The following FUT9 variants were observed in gnomAD, a reference collection of about 807,000 sequenced individuals.
FUT9 encodes the protein 4-galactosyl-N-acetylglucosaminide 3-alpha-L-fucosyltransferase 9.
Under a neutral mutation model 29.7 loss-of-function variants are expected in FUT9, and 15 were observed. The observed-to-expected ratio is 0.51, with a 90% confidence interval of 0.34 to 0.78. The LOEUF (loss-of-function observed/expected upper bound fraction) is 0.78. Among genes scored for constraint, FUT9 ranks in the 30% least tolerant of loss-of-function variants. The pLI, the probability that FUT9 is intolerant of heterozygous loss-of-function variation, is 0.01. For missense variants in FUT9, 319 were observed against 425.4 expected, an observed-to-expected ratio of 0.75 and a Z score of 2.20; for synonymous variants, 169 against 153.7, an observed-to-expected ratio of 1.10 and a Z score of -0.74.
chr6:96,020,217 T>G (rs2127920585), intron 1 of FUT9, among the ~76,000 whole-genome samples: 1 of 152,286 alleles, frequency 6.6e-6, no homozygotes, highest in Non-Finnish European at 1.5e-5. Context: ...AATTCCTCAC[T>G]TATGCAGTGT....
intron 1 of FUT9, among the ~76,000 whole-genome samples, chr6:96,056,504 C>T (rs1243305365): frequency 2.0e-5 from 3 of 152,102 alleles, no homozygotes; most frequent in Non-Finnish European, 4.4e-5. Context: ...AGACCTTTTT[C>T]CATGACTATC....
At chr6:96,056,767 A>AC (rs565117796) in intron 1 of FUT9, among the ~76,000 whole-genome samples, 48 of 152,032 alleles carry the variant, frequency 3.2e-4, no homozygotes, top group African/African-American at 1.1e-3. Flanking sequence ...AAAAAAAAAA[A>AC]CCTAAGCTTT....
Position 96,091,221 on chromosome 6 carries a change from G to A in FUT9, c.-97-22818G>A, listed in dbSNP as rs369935108. 2.5e-3 allele frequency among the ~76,000 whole-genome samples: 376 copies of A among 152,036 alleles called. 1 individual carries two copies. The highest frequency in any genetic ancestry group is 8.8e-3 in the African/African-American group (365 of 41,502). On this transcript the variant is annotated intron_variant, in intron 1 of 2. Transcript: ENST00000302103. ...AATAAAAAACCAAATAGTTCAAAGC[G>A]TTATTTACGTATTCTTCCCATAAAT... is the stretch of plus-strand genomic sequence containing the variant.
intron 1 of FUT9, among the ~76,000 whole-genome samples, chr6:96,112,858 T>C (rs1035426617): frequency 6.6e-6 from 1 of 152,204 alleles, no homozygotes; most frequent in Non-Finnish European, 1.5e-5. Flanking sequence ...TATAATACTT[T>C]AAGTTATTCC....
intron 1 of FUT9, among the ~76,000 whole-genome samples, chr6:96,058,567 A>G (rs1171639208): frequency 6.6e-6 from 1 of 151,540 alleles, no homozygotes; most frequent in African/African-American, 2.4e-5. Context: ...ATTTTTTGAA[A>G]TGAATAAAAG....
At chr6:96,026,113 AC>A in intron 1 of FUT9, among the ~76,000 whole-genome samples, 1 of 144,772 alleles carries the variant, frequency 6.9e-6, no homozygotes, top group East Asian at 2.2e-4. Flanking sequence ...TGTTCTTAAA[AC>A]AGTTCAAAAC....
At chr6:96,200,383 C>T (rs896787559) in intron 2 of FUT9, among the ~76,000 whole-genome samples, 4 of 152,122 alleles carry the variant, frequency 2.6e-5, no homozygotes, top group African/African-American at 9.7e-5. Flanking sequence ...AAGTAGATTA[C>T]AGAAGGAAAG....
intron 2 of FUT9, among the ~76,000 whole-genome samples, chr6:96,184,555 T>G (rs9373692): frequency 0.91 from 138,529 of 151,910 alleles, 64,525 homozygotes; most frequent in Non-Finnish European, 1. Context: ...ATTTACTGTT[T>G]GTGCTCTTTA....
chr6:96,057,310 A>G (rs1770788886), intron 1 of FUT9, among the ~76,000 whole-genome samples: 2 of 152,162 alleles, frequency 1.3e-5, no homozygotes, highest in African/African-American at 4.8e-5. Flanking sequence ...AAAATATTGC[A>G]GTTTGAGTGT....
intron 1 of FUT9, among the ~76,000 whole-genome samples, chr6:96,101,117 C>T (rs1771578782): frequency 6.6e-6 from 1 of 152,078 alleles, no homozygotes; most frequent in African/African-American, 2.4e-5. Context: ...GCAAAGAATT[C>T]TAAATTTAAA....
intron 1 of FUT9, among the ~76,000 whole-genome samples, chr6:96,069,289 C>A (rs1771013484): frequency 6.6e-6 from 1 of 150,806 alleles, no homozygotes; most frequent in Non-Finnish European, 1.5e-5. Flanking sequence ...CCACTGAACT[C>A]CAGCCTGGGC....
intron 1 of FUT9, among the ~76,000 whole-genome samples, chr6:96,016,577 C>G (rs1196933186): frequency 6.6e-6 from 1 of 152,096 alleles, no homozygotes; most frequent in African/African-American, 2.4e-5. Flanking sequence ...CACAAACGCC[C>G]CTATCTGCCA....
At chr6:96,128,173 A>G (rs1476831174) in intron 2 of FUT9, among the ~76,000 whole-genome samples, 1 of 152,166 alleles carries the variant, frequency 6.6e-6, no homozygotes, top group East Asian at 1.9e-4. Context: ...AGTATAACAA[A>G]AAAAGATACT....
At chr6:96,131,229 A>C (rs891603896) in intron 2 of FUT9, among the ~76,000 whole-genome samples, 1 of 152,188 alleles carries the variant, frequency 6.6e-6, no homozygotes, top group Non-Finnish European at 1.5e-5. Flanking sequence ...GCATGAAGAA[A>C]AGTGAAAAAA....
intron 2 of FUT9, among the ~76,000 whole-genome samples, chr6:96,137,146 A>G (rs1772362960): frequency 6.6e-6 from 1 of 152,048 alleles, no homozygotes; most frequent in African/African-American, 2.4e-5. Context: ...TAAGGCATGG[A>G]AACCATGAGA....
intron 1 of FUT9, among the ~76,000 whole-genome samples, chr6:96,021,211 T>C (rs1770062740): frequency 6.6e-6 from 1 of 151,942 alleles, no homozygotes; most frequent in African/African-American, 2.4e-5. Context: ...TTTAGTTCCT[T>C]AAAAAAAGCA....
chr6:96,186,724 A>C (rs1003798257), intron 2 of FUT9, among the ~76,000 whole-genome samples: 5 of 152,270 alleles, frequency 3.3e-5, no homozygotes, highest in Admixed American at 2.6e-4. Context: ...CAATGGTGTC[A>C]ATTCCATTTC....
At chr6:96,169,626 G>A (rs1365516228) in intron 2 of FUT9, among the ~76,000 whole-genome samples, 1 of 152,098 alleles carries the variant, frequency 6.6e-6, no homozygotes, top group Non-Finnish European at 1.5e-5. Flanking sequence ...CATTTTAAAT[G>A]TAAGTCTTTC....
intron 1 of FUT9, among the ~76,000 whole-genome samples, chr6:96,084,208 A>G (rs1189944831): frequency 2.0e-5 from 3 of 152,110 alleles, no homozygotes; most frequent in Non-Finnish European, 4.4e-5. Context: ...CTAGAAGATC[A>G]TATCTCTTTA....
Sources: gnomAD v4.1 joint callset for allele counts (sites outside exome capture counted in the v4.1 genomes callset) on GRCh38, gnomAD v4.1.1 for gene constraint, MANE v1.5 for transcripts, NCBI Gene and HGNC (gene_info 2026-07-23, HGNC 2026-07-21) for gene names.